The following SORCS1 variants were observed in gnomAD, a reference collection of about 807,000 sequenced individuals.
SORCS1 encodes sortilin related VPS10 domain containing receptor 1, also known as VPS10 domain-containing receptor SorCS1.
Under a neutral mutation model 146.1 loss-of-function variants are expected in SORCS1, and 60 were observed. That is an observed-to-expected ratio of 0.41 (90% CI 0.33 to 0.51). The LOEUF is 0.51. Among genes scored for constraint, SORCS1 ranks in the 20% least tolerant of loss-of-function variants. The pLI is 0.21. For missense variants in SORCS1, 1,352 were observed against 1,487.6 expected (o/e 0.91, Z 1.50); for synonymous variants, 637 against 584.0 (o/e 1.09, Z -1.31).
intron 2 of SORCS1, among the ~76,000 whole-genome samples, chr10:106,939,086 G>C (rs569191412): frequency 6.6e-6 from 1 of 152,110 alleles, no homozygotes. Context: ...TTGGGAGAAG[G>C]GCAATACCAA....
intron 2 of SORCS1, among the ~76,000 whole-genome samples, chr10:106,954,108 C>T (rs951276823): frequency 6.6e-6 from 1 of 152,222 alleles, no homozygotes; most frequent in African/African-American, 2.4e-5. Flanking sequence ...TGAACCTGAG[C>T]TTCCACAGTC....
intron 3 of SORCS1, among the ~76,000 whole-genome samples, chr10:106,777,406 G>C (rs1400380963): frequency 6.6e-6 from 1 of 152,148 alleles, no homozygotes; most frequent in Non-Finnish European, 1.5e-5. Context: ...GCTAGACTAA[G>C]GTCCAGTATG....
intron 4 of SORCS1, among the ~76,000 whole-genome samples, chr10:106,766,863 G>T (rs117606827): frequency 6.6e-6 from 1 of 152,358 alleles, no homozygotes; most frequent in Non-Finnish European, 1.5e-5. Flanking sequence ...ATTCACAGCG[G>T]GCTTTGTAAT....
At chr10:107,089,186 T>A (rs1039154304) in intron 1 of SORCS1, among the ~76,000 whole-genome samples, 1 of 152,222 alleles carries the variant, frequency 6.6e-6, no homozygotes, top group African/African-American at 2.4e-5. Context: ...AGAATTTTAC[T>A]TTTTAATTTT....
At chr10:106,918,524 C>T (rs774136247) in intron 2 of SORCS1, among the ~76,000 whole-genome samples, 27 of 152,146 alleles carry the variant, frequency 1.8e-4, no homozygotes, top group Non-Finnish European at 3.2e-4. Flanking sequence ...CATACCCTCA[C>T]ATACAATGTC....
chr10:106,575,927 GC>G lies in SORCS1; in HGVS notation c.*1492del, dbSNP rs1203262193. On this transcript the variant is annotated 3_prime_UTR_variant, in exon 26 of 26. Transcript: ENST00000263054. ...ACAGCAACCGTCACAGGAGGAAATT[GC>G]CCTGCGAAATTGTCACACATTCAAA... is the stretch of plus-strand genomic sequence containing the variant. The G allele has an allele frequency of 6.6e-6, 1 of 152,644 alleles. No homozygotes were observed. Among genetic ancestry groups the G allele is most frequent in the Non-Finnish European group, 1.5e-5 (1 of 68,044 alleles). The allele number at this position is 152,644 out of a possible 1,614,324, so 9.5% of individuals were successfully genotyped here.
At chr10:106,686,196 A>G (rs1343162612) in intron 10 of SORCS1, among the ~76,000 whole-genome samples, 1 of 152,184 alleles carries the variant, frequency 6.6e-6, no homozygotes, top group Admixed American at 6.5e-5. Context: ...GCCACTGTGG[A>G]TCAGGTGAGC....
chr10:107,141,012 A>C (rs1967785872), intron 1 of SORCS1, among the ~76,000 whole-genome samples: 1 of 152,224 alleles, frequency 6.6e-6, no homozygotes, highest in Non-Finnish European at 1.5e-5. Flanking sequence ...CCACACTCTG[A>C]AGTCCTTCAC....
intron 2 of SORCS1, among the ~76,000 whole-genome samples, chr10:106,943,617 C>A (rs1010467440): frequency 6.6e-6 from 1 of 151,412 alleles, no homozygotes; most frequent in Non-Finnish European, 1.5e-5. Context: ...ACCATCCCGG[C>A]TAACACTGTG....
intron 1 of SORCS1, among the ~76,000 whole-genome samples, chr10:107,063,511 C>T (rs1023826037): frequency 1.3e-5 from 2 of 152,066 alleles, no homozygotes; most frequent in Non-Finnish European, 1.5e-5. Flanking sequence ...TCCAGAAAAA[C>T]CAATTCTCAA....
At chr10:106,661,141 G>C (rs1850696470) in intron 17 of SORCS1, among the ~76,000 whole-genome samples, 1 of 152,190 alleles carries the variant, frequency 6.6e-6, no homozygotes, top group Admixed American at 6.5e-5. Context: ...GAATGAGCTT[G>C]TGCTTGTGGA....
intron 1 of SORCS1, among the ~76,000 whole-genome samples, chr10:107,056,776 G>A (rs1412962601): frequency 6.6e-6 from 1 of 152,236 alleles, no homozygotes; most frequent in Non-Finnish European, 1.5e-5. Context: ...GACAGACAGA[G>A]AAAGTCAGAG....
intron 2 of SORCS1, among the ~76,000 whole-genome samples, chr10:106,939,382 CAGAT>C (rs1447835241): frequency 2.7e-5 from 4 of 148,590 alleles, no homozygotes; most frequent in Admixed American, 2.1e-4. Flanking sequence ...CTTTCAAACT[CAGAT>C]AGTTCACACT....
chr10:106,833,104 T>C (rs932514308), intron 2 of SORCS1, among the ~76,000 whole-genome samples: 2 of 152,148 alleles, frequency 1.3e-5, no homozygotes, highest in Non-Finnish European at 2.9e-5. Flanking sequence ...ATTAGCAACA[T>C]TTTTTTCAGA....
chr10:106,963,529 GTATT>G (rs1291931511), intron 1 of SORCS1, among the ~76,000 whole-genome samples: 5 of 152,142 alleles, frequency 3.3e-5, no homozygotes, highest in Non-Finnish European at 7.3e-5. Flanking sequence ...CTTTGGCTAA[GTATT>G]TATTTGACTT....
intron 4 of SORCS1, among the ~76,000 whole-genome samples, chr10:106,775,721 C>G (rs760676155): frequency 1.1e-4 from 16 of 152,294 alleles, no homozygotes; most frequent in Non-Finnish European, 1.9e-4. Context: ...AGTATTTCAC[C>G]AATTATCCCT....
At chr10:107,079,036 T>C in intron 1 of SORCS1, among the ~76,000 whole-genome samples, 1 of 152,130 alleles carries the variant, frequency 6.6e-6, no homozygotes, top group East Asian at 1.9e-4. Flanking sequence ...CCATCCTGGC[T>C]AACGTGGTGA....
At chr10:107,142,213 G>C (rs1274586756) in intron 1 of SORCS1, among the ~76,000 whole-genome samples, 1 of 152,148 alleles carries the variant, frequency 6.6e-6, no homozygotes, top group East Asian at 1.9e-4. Context: ...TTTGCGAGGA[G>C]GAAATGATAT....
At chr10:106,897,976 G>A (rs1346362467) in intron 2 of SORCS1, among the ~76,000 whole-genome samples, 2 of 152,236 alleles carry the variant, frequency 1.3e-5, no homozygotes, top group East Asian at 3.9e-4. Flanking sequence ...GGGACCCATG[G>A]CGATTCTGTA....
Sources: allele counts gnomAD v4.1 joint callset (sites outside exome capture counted in the v4.1 genomes callset), GRCh38; gene constraint gnomAD v4.1.1; transcripts MANE v1.5; gene names NCBI Gene and HGNC (gene_info 2026-07-23, HGNC 2026-07-21).